NTSR2: variants seen among roughly 807,000 people sequenced by gnomAD.
NTSR2 encodes neurotensin receptor 2, also known as neurotensin receptor type 2.
Under a neutral mutation model 24.1 loss-of-function variants are expected in NTSR2, and 22 were observed. That is an observed-to-expected ratio of 0.91 (90% CI 0.65 to 1.30). The LOEUF (loss-of-function observed/expected upper bound fraction) is 1.30, where lower values mean the gene tolerates loss of function less well. Among genes scored for constraint, NTSR2 ranks in the 50% most tolerant of loss-of-function variants. The probability of loss-of-function intolerance (pLI) is 0.00; values close to 1 mark genes in which losing one functional copy is unlikely to be tolerated. For synonymous variants in NTSR2, 291 were observed against 267.0 expected (o/e 1.09, Z -0.88); for missense variants, 570 against 570.4 (o/e 1.00, Z 0.01).
In NTSR2 at chr2:11,660,121, A is replaced by G. The variant is rs150931012; in HGVS notation, c.911T>C (p.Val304Ala). ...CGGCAGCCAGCAGATGACATACATG[A>G]CCACGATGGCTCCTGCAGAGCATTG... The part of the protein sequence containing the change: ...RSVQVLRAIV[V>A]MYVICWLPYH... Residue 304 changes from valine to alanine, a missense_variant, in exon 3 of 4, where the codon GTC (valine) becomes GCC (alanine). Val to Ala is a moderately conservative substitution (Grantham distance 64, BLOSUM62 0). Coordinates refer to ENST00000306928, the MANE Select transcript of NTSR2 (RefSeq NM_012344.4). 7.0e-4 allele frequency: 1,125 copies of G among 1,613,446 alleles called. 1 individual carries two copies. Among genetic ancestry groups the G allele is most frequent in the African/African-American group, 5.9e-3 (440 of 75,028 alleles).
Position 11,670,078 on chromosome 2 carries a change from T to C in NTSR2, c.52A>G (p.Ser18Gly). ...PPRPSSNPGL[S>G]LDARLGVDTR... Reference sequence around the variant, plus strand: ...TCCACGCCCAGCCGGGCGTCCAGGCTCAGCCCCGGGTTGGAGCTGGGCCGC... The same window carrying C: ...TCCACGCCCAGCCGGGCGTCCAGGCCCAGCCCCGGGTTGGAGCTGGGCCGC... The change falls in exon 1 of 4, where the codon AGC becomes GGC. Residue 18 changes from serine to glycine, a missense_variant. Ser to Gly is a moderately conservative substitution (Grantham distance 56, BLOSUM62 0). Coordinates refer to ENST00000306928, the MANE Select transcript of NTSR2 (RefSeq NM_012344.4). 6.9e-7 allele frequency: 1 copy of C among 1,452,224 alleles called. No homozygotes were observed. The allele number at this position is 1,452,224 out of a possible 1,614,324, so 90.0% of individuals were successfully genotyped here.
rs2148491714 is a variant in NTSR2 at position 11,670,119 on chromosome 2, C to T, written c.11G>A (p.Ser4Asn). ...GCTGGGCCGCGGGGGCCGCGGGCTG[C>T]TGGTTTCCATCCCGCTCCCGCGGCC... The part of the protein sequence containing the change: MET[S>N]SPRPPRPSSN... The change falls in exon 1 of 4, where the codon AGC becomes AAC. Residue 4 changes from serine (S) to asparagine (N), a missense_variant. Transcript: ENST00000306928. 7.3e-7 allele frequency: 1 copy of T among 1,378,298 alleles called. No individual in the cohort carries two copies. Among genetic ancestry groups the T allele is most frequent in the African/African-American group, 1.5e-5 (1 of 65,316 alleles). 85.4% of individuals were successfully genotyped at this position (1,378,298 alleles called of 1,614,324 possible). A position where few individuals can be genotyped will look rare whatever the true frequency, so the allele number is the denominator to read the frequency against.
In NTSR2 at chr2:11,660,276, G is replaced by C. The variant is rs1397937712; in HGVS notation, c.899-143C>G. On this transcript the variant is annotated intron_variant, in intron 2 of 3. Coordinates refer to ENST00000306928, the MANE Select transcript of NTSR2 (RefSeq NM_012344.4). ...TCCTGGAGTCAAGGGTTGGAAGGAG[G>C]CTTTGAGGTTATCTGATATATCCCG... The C allele has an allele frequency of 7.0e-5, 45 of 643,968 alleles. 2 individuals are homozygous for C. In the South Asian group the frequency reaches 7.8e-4, roughly 11 times the overall value. 39.9% of individuals were successfully genotyped at this position (643,968 alleles called of 1,614,324 possible). A position where few individuals can be genotyped will look rare whatever the true frequency, so the allele number is the denominator to read the frequency against.
chr2:11,668,006 A>G (rs1014137146), intron 1 of NTSR2, among the ~76,000 whole-genome samples: 1 of 152,244 alleles, frequency 6.6e-6, no homozygotes, highest in Non-Finnish European at 1.5e-5. Context: ...CCACAGAGGT[A>G]CACTTCTGAG....
At chr2:11,661,265 T>C (rs1019703362) in intron 2 of NTSR2, among the ~76,000 whole-genome samples, 2 of 152,264 alleles carry the variant, frequency 1.3e-5, no homozygotes, top group African/African-American at 2.4e-5. Context: ...CCGTCACTTA[T>C]GGACATCAAC....
At chr2:11,669,460 G>GGGGGGGGGGGGGGGCGCC in intron 1 of NTSR2, 46 bp downstream of exon 1, 1 of 254,726 alleles carries the variant, frequency 3.9e-6, no homozygotes. Flanking sequence ...TCCCAGCACC[G>GGGGGGGGGGGGGGGCGCC]CCCCCCCACC....
At chr2:11,665,068 T>G (rs12473167) in intron 1 of NTSR2, among the ~76,000 whole-genome samples, 1,845 of 75,962 alleles carry the variant, frequency 0.024, 16 homozygotes, top group Middle Eastern at 0.11. Flanking sequence ...TTTTTTTTTT[T>G]TTTTTTTTTT....
intron 3 of NTSR2, 97 bp downstream of exon 3, chr2:11,659,946 C>G (rs547005396): frequency 1.1e-5 from 10 of 920,722 alleles, no homozygotes; most frequent in African/African-American, 9.8e-5. Flanking sequence ...TCCAGAGGAC[C>G]CAGCAATGGA....
chr2:11,661,732 G>A (rs1350848256), intron 2 of NTSR2, among the ~76,000 whole-genome samples: 1 of 152,174 alleles, frequency 6.6e-6, no homozygotes, highest in Non-Finnish European at 1.5e-5. Flanking sequence ...TTGCCTGTGT[G>A]TGCTATTCCC....
In NTSR2 at chr2:11,669,663, A is replaced by G; in HGVS notation, c.467T>C (p.Val156Ala). The G allele has an allele frequency of 6.5e-7, 1 of 1,545,972 alleles. No individual in the cohort carries two copies. Among genetic ancestry groups the G allele is most frequent in the Non-Finnish European group, 8.7e-7 (1 of 1,151,894 alleles). The change falls in exon 1 of 4, where the codon GTG becomes GCG. Residue 156 changes from valine to alanine, a missense_variant. By Grantham distance (64) the Val-to-Ala change is moderately conservative. Coordinates refer to ENST00000306928, the MANE Select transcript of NTSR2 (RefSeq NM_012344.4). ...LLTPRRTRWL[V>A]ALSWAASLGL... ...GAGCGAGGCGGCCCACGAGAGCGCC[A>G]CCAGCCACCGGGTCCGGCGTGGCGT...
intron 3 of NTSR2, among the ~76,000 whole-genome samples, chr2:11,659,471 C>T (rs997835978): frequency 6.6e-6 from 1 of 152,242 alleles, no homozygotes; most frequent in Non-Finnish European, 1.5e-5. Context: ...GCTGGTGCCT[C>T]CTGAGGAGGA....
At chr2:11,662,391 G>C (rs965864607) in intron 1 of NTSR2, 151 bp from the exon 2 acceptor site, 2 of 713,788 alleles carry the variant, frequency 2.8e-6, no homozygotes, top group Non-Finnish European at 4.2e-6. Context: ...AAAGTGAGGA[G>C]AGAGAAAATA....
chr2:11,661,182 A>T (rs1361663648), intron 2 of NTSR2, among the ~76,000 whole-genome samples: 1 of 152,142 alleles, frequency 6.6e-6, no homozygotes, highest in African/African-American at 2.4e-5. Flanking sequence ...CTTAACACAC[A>T]CTGAAGTTTG....
At position 11,658,253 on chromosome 2, in the gene NTSR2, TAA is replaced by T; in HGVS notation, c.*224_*225del. On this transcript the variant is annotated 3_prime_UTR_variant, in exon 4 of 4. Coordinates refer to ENST00000306928, the MANE Select transcript of NTSR2 (RefSeq NM_012344.4). Reference sequence around the variant, plus strand: ...TAAGCACTTTAGTCTCAGGCAACACTAAGAGATGGGTGCTGTTCTTTATCTCC... The same window carrying T: ...TAAGCACTTTAGTCTCAGGCAACACTGAGATGGGTGCTGTTCTTTATCTCC... The T allele has an allele frequency of 2.1e-6, 1 of 485,018 alleles. No homozygotes were observed. The highest frequency in any genetic ancestry group is 3.6e-6 in the Non-Finnish European group (1 of 280,326). The allele number at this position is 485,018 out of a possible 1,614,324, so 30.0% of individuals were successfully genotyped here.
In NTSR2 at chr2:11,658,333, G is replaced by A. The variant is rs555315421; in HGVS notation, c.*146C>T. On this transcript the variant is annotated 3_prime_UTR_variant, in exon 4 of 4. Transcript: ENST00000306928. Reference sequence around the variant, plus strand: ...AGGAGGGGTCACGTGGCTTCCCTGCGCTTGATGGTTCTCAGCAGAGCAGGG... The same window carrying A: ...AGGAGGGGTCACGTGGCTTCCCTGCACTTGATGGTTCTCAGCAGAGCAGGG... The A allele has an allele frequency of 1.6e-5, 18 of 1,160,778 alleles. No homozygotes were observed. The highest frequency in any genetic ancestry group is 6.3e-5 in the South Asian group (4 of 63,012). The allele number at this position is 1,160,778 out of a possible 1,614,324, so 71.9% of individuals were successfully genotyped here. A position where few individuals can be genotyped will look rare whatever the true frequency, so the allele number is the denominator to read the frequency against.
At chr2:11,659,965 C>T in intron 3 of NTSR2, 78 bp downstream of exon 3, 1 of 1,174,510 alleles carries the variant, frequency 8.5e-7, no homozygotes, top group Non-Finnish European at 1.3e-6. Context: ...GAGGGTCCCT[C>T]TGGAGAGCAA....
At chr2:11,661,114 G>C (rs926972933) in intron 2 of NTSR2, among the ~76,000 whole-genome samples, 1 of 152,154 alleles carries the variant, frequency 6.6e-6, no homozygotes, top group African/African-American at 2.4e-5. Context: ...TGAGAAGCCT[G>C]GTAGAAGTGC....
At chr2:11,662,328 T>C in intron 1 of NTSR2, 88 bp from the exon 2 acceptor site, 1 of 1,270,538 alleles carries the variant, frequency 7.9e-7, no homozygotes, top group South Asian at 2.0e-5. Flanking sequence ...GGAATCTGCA[T>C]CAGCAGAAGG....
At chr2:11,661,945 G>A (rs1042941126) in intron 2 of NTSR2, 22 bp downstream of exon 2, 3 of 1,530,858 alleles carry the variant, frequency 2.0e-6, no homozygotes, top group African/African-American at 1.4e-5. Flanking sequence ...TTCTTCTGGG[G>A]TGATGTTACA....
Sources: allele counts gnomAD v4.1 joint callset (sites outside exome capture counted in the v4.1 genomes callset), GRCh38; gene constraint gnomAD v4.1.1; transcripts MANE v1.5; gene names NCBI Gene and HGNC (gene_info 2026-07-23, HGNC 2026-07-21).